Variants in ULK4 observed in about 807,000 individuals in gnomAD.
ULK4 encodes unc-51 like kinase 4.
Under a neutral mutation model 160.6 loss-of-function variants are expected in ULK4, and 133 were observed. That is an observed-to-expected ratio of 0.83 (90% CI 0.72 to 0.96). ULK4 has a LOEUF of 0.96. Among genes scored for constraint, ULK4 ranks in the 40% least tolerant of loss-of-function variants. ULK4 has a pLI of 0.00. For missense variants in ULK4, 1,580 were observed against 1,499.5 expected, an observed-to-expected ratio of 1.05 and a Z score of -0.89; for synonymous variants, 534 against 539.8, an observed-to-expected ratio of 0.99 and a Z score of 0.15.
chr3:41,831,661 A>G (rs923271274), intron 18 of ULK4, among the ~76,000 whole-genome samples: 8 of 150,834 alleles, frequency 5.3e-5, no homozygotes, highest in African/African-American at 1.9e-4. Flanking sequence ...TTAAGCCCCA[A>G]ATGCATTTGG....
At chr3:41,263,911 GT>G (rs1423048745) in intron 35 of ULK4, among the ~76,000 whole-genome samples, 1 of 152,234 alleles carries the variant, frequency 6.6e-6, no homozygotes, top group Non-Finnish European at 1.5e-5. Context: ...ATAGCAGGGG[GT>G]GCCGGGTGTC....
intron 27 of ULK4, among the ~76,000 whole-genome samples, chr3:41,692,089 C>T (rs1234085237): frequency 3.3e-5 from 5 of 150,760 alleles, no homozygotes; most frequent in African/African-American, 1.2e-4. Context: ...GTGGCTGGGA[C>T]TACAGGCGCC....
At chr3:41,598,728 ACTG>A in intron 31 of ULK4, among the ~76,000 whole-genome samples, 1 of 151,974 alleles carries the variant, frequency 6.6e-6, no homozygotes, top group East Asian at 1.9e-4. Flanking sequence ...TTCTACAAAG[ACTG>A]CTGTATATTG....
At chr3:41,250,020 T>C (rs1338259293) in intron 35 of ULK4, among the ~76,000 whole-genome samples, 1 of 152,164 alleles carries the variant, frequency 6.6e-6, no homozygotes, top group Admixed American at 6.5e-5. Flanking sequence ...GCCAAGAAGG[T>C]GCCTGGGGAC....
At chr3:41,782,701 A>G (rs1431026812) in intron 21 of ULK4, among the ~76,000 whole-genome samples, 1 of 152,186 alleles carries the variant, frequency 6.6e-6, no homozygotes, top group Non-Finnish European at 1.5e-5. Context: ...TGTTACATAT[A>G]AACTACCAAA....
intron 22 of ULK4, among the ~76,000 whole-genome samples, chr3:41,733,457 G>A (rs1054620751): frequency 1.9e-4 from 29 of 152,082 alleles, no homozygotes; most frequent in African/African-American, 6.7e-4. Context: ...TTTAAAAAGA[G>A]GTGTTGAATA....
intron 32 of ULK4, among the ~76,000 whole-genome samples, chr3:41,564,060 CTTG>C (rs2087699108): frequency 6.7e-6 from 1 of 149,330 alleles, no homozygotes; most frequent in South Asian, 2.2e-4. Context: ...AGATGTCCTT[CTTG>C]TTGATGTTGA....
At chr3:41,393,654 G>A (rs1281467033) in intron 35 of ULK4, among the ~76,000 whole-genome samples, 1 of 152,124 alleles carries the variant, frequency 6.6e-6, no homozygotes, top group African/African-American at 2.4e-5. Context: ...CTGAGGGCAG[G>A]GAGCAGCAAG....
intron 30 of ULK4, among the ~76,000 whole-genome samples, chr3:41,654,111 C>A (rs1326998080): frequency 1.3e-5 from 2 of 152,212 alleles, no homozygotes; most frequent in Non-Finnish European, 2.9e-5. Flanking sequence ...ACTATCCTGG[C>A]TGGAGTCCAA....
At chr3:41,720,964 T>C (rs1222823944) in intron 22 of ULK4, among the ~76,000 whole-genome samples, 1 of 152,124 alleles carries the variant, frequency 6.6e-6, no homozygotes, top group Non-Finnish European at 1.5e-5. Flanking sequence ...GTAGGAAGTA[T>C]TTAGCAAAAG....
chr3:41,376,358 G>C (rs1431830371), intron 35 of ULK4, among the ~76,000 whole-genome samples: 1 of 150,048 alleles, frequency 6.7e-6, no homozygotes, highest in African/African-American at 2.5e-5. Flanking sequence ...CAATAGCAAA[G>C]ACCTGGAACC....
chr3:41,441,014 C>G (rs944626719), intron 34 of ULK4, among the ~76,000 whole-genome samples: 2 of 151,994 alleles, frequency 1.3e-5, no homozygotes, highest in African/African-American at 4.8e-5. Flanking sequence ...ATTCCTGATA[C>G]AGGCAAGTAG....
At chr3:41,401,464 G>C (rs1413361345) in intron 34 of ULK4, among the ~76,000 whole-genome samples, 1 of 152,146 alleles carries the variant, frequency 6.6e-6, no homozygotes, top group Non-Finnish European at 1.5e-5. Context: ...ACTTTGTCTT[G>C]TAAGAATTAG....
At chr3:41,930,684 T>C (rs1215555929) in intron 5 of ULK4, among the ~76,000 whole-genome samples, 1 of 152,086 alleles carries the variant, frequency 6.6e-6, no homozygotes, top group Admixed American at 6.5e-5. Flanking sequence ...GCAAAGGATA[T>C]GAACAGACAC....
intron 31 of ULK4, among the ~76,000 whole-genome samples, chr3:41,569,967 C>A (rs996186999): frequency 4.2e-4 from 64 of 152,300 alleles, no homozygotes; most frequent in African/African-American, 1.4e-3. Flanking sequence ...GTGACAGCTT[C>A]ATCATCCTAC....
intron 22 of ULK4, among the ~76,000 whole-genome samples, chr3:41,722,802 A>G (rs1354310225): frequency 2.0e-5 from 3 of 152,230 alleles, no homozygotes; most frequent in African/African-American, 4.8e-5. Context: ...TGCAGAATAT[A>G]TAACCGTTTA....
At chr3:41,451,153 T>C (rs930869904) in intron 34 of ULK4, among the ~76,000 whole-genome samples, 1 of 152,094 alleles carries the variant, frequency 6.6e-6, no homozygotes. Context: ...AAGCAGTGGA[T>C]AGTATTCAAG....
intron 31 of ULK4, among the ~76,000 whole-genome samples, chr3:41,579,397 A>G (rs909893463): frequency 6.6e-6 from 1 of 152,100 alleles, no homozygotes; most frequent in Non-Finnish European, 1.5e-5. Context: ...AATGAGGCTA[A>G]GCTCAGAATA....
chr3:41,678,441 C>A (rs2035808151), intron 29 of ULK4, among the ~76,000 whole-genome samples: 1 of 152,082 alleles, frequency 6.6e-6, no homozygotes, highest in African/African-American at 2.4e-5. Flanking sequence ...CCCTCTCCAC[C>A]AGGAACCATT....
Sources: allele counts gnomAD v4.1 joint callset (sites outside exome capture counted in the v4.1 genomes callset), GRCh38; gene constraint gnomAD v4.1.1; transcripts MANE v1.5; gene names NCBI Gene and HGNC (gene_info 2026-07-23, HGNC 2026-07-21).